MICALL1: variants seen among roughly 807,000 people sequenced by gnomAD.
MICALL1 encodes MICAL-like protein 1.
MICALL1 carries 61 observed loss-of-function variants against 83.7 expected under a neutral mutation model. The ratio of observed to expected loss-of-function variants is 0.73; its 90% CI spans 0.59 to 0.90. The LOEUF is 0.90. Among genes scored for constraint, MICALL1 ranks in the 40% least tolerant of loss-of-function variants. The probability of loss-of-function intolerance (pLI) is 0.00; values close to 1 mark genes in which losing one functional copy is unlikely to be tolerated. For missense variants in MICALL1, 1,066 were observed against 1,152.0 expected (o/e 0.93, Z 1.08); for synonymous variants, 481 against 473.6 (o/e 1.02, Z -0.20).
In MICALL1 at chr22:37,924,793, G is replaced by A; in HGVS notation, c.1082+76G>A. On this transcript the variant is annotated intron_variant, in intron 7 of 15. Transcript: ENST00000215957. The surrounding 1 kb of genome is among the most constrained non-coding windows in gnomAD (Gnocchi z 5.2). The stretch of plus-strand genomic sequence containing the variant: ...AATCAGGGTACTCTGGGGCCGGGTA[G>A]GGAGAGAGGCTTCCTGTGGATGGGC... The A allele has an allele frequency of 2.0e-6, 3 of 1,481,578 alleles. No individual in the cohort carries two copies. The highest frequency in any genetic ancestry group is 1.9e-6 in the Non-Finnish European group (2 of 1,072,262). The allele number at this position is 1,481,578 out of a possible 1,614,324, so 91.8% of individuals were successfully genotyped here.
At chr22:37,918,995 C>T in intron 4 of MICALL1, 41 bp from the exon 5 acceptor site, 1 of 1,516,366 alleles carries the variant, frequency 6.6e-7, no homozygotes, top group Non-Finnish European at 8.9e-7. Context: ...TGGCTGGTGA[C>T]CATGTCCTGC....
chr22:37,911,128 C>G (rs906541401), intron 1 of MICALL1, among the ~76,000 whole-genome samples: 5 of 152,206 alleles, frequency 3.3e-5, no homozygotes, highest in African/African-American at 1.2e-4. Context: ...GCCAGCTGTC[C>G]CGTGCTGGGG....
rs1026848135 is a variant in MICALL1 at position 37,924,553 on chromosome 22, A to C, written c.1025-107A>C. 12 of 1,090,560 alleles carry C rather than the reference A, an allele frequency of 1.1e-5. No homozygotes were observed. The Admixed American group carries it at 2.4e-4, about 22-fold the overall frequency. The allele number at this position is 1,090,560 out of a possible 1,614,324, so 67.6% of individuals were successfully genotyped here. A position where few individuals can be genotyped will look rare whatever the true frequency, so the allele number is the denominator to read the frequency against. On this transcript the variant is annotated intron_variant, in intron 6 of 15. Coordinates refer to ENST00000215957, the MANE Select transcript of MICALL1 (RefSeq NM_033386.4). The surrounding 1 kb of genome is among the most constrained non-coding windows in gnomAD (Gnocchi z 5.2). ...TGGCCTGGGGAGGTGCGAGGGTGCC[A>C]GGAGGAAGGCGGGGCGCTCCTGGGG...
chr22:37,942,672 T>A lies in MICALL1; in HGVS notation c.*1842T>A, dbSNP rs1434490176. 1 of 152,140 alleles carries A rather than the reference T, an allele frequency of 6.6e-6. No individual in the cohort carries two copies. The highest frequency in any genetic ancestry group is 1.5e-5 in the Non-Finnish European group (1 of 68,054). The allele number at this position is 152,140 out of a possible 1,614,324, so 9.4% of individuals were successfully genotyped here. On this transcript the variant is annotated 3_prime_UTR_variant, in exon 16 of 16. Coordinates refer to ENST00000215957, the MANE Select transcript of MICALL1 (RefSeq NM_033386.4). ...GCATGCTACGACGCCTGGCTAATTT[T>A]TTGTATTTTTAGTAGAGACGGGGTT...
At position 37,926,018 on chromosome 22, in the gene MICALL1, G is replaced by A. The variant is rs557005557; in HGVS notation, c.1440G>A (p.Pro480=). 36 of 1,608,696 alleles carry A rather than the reference G, an allele frequency of 2.2e-5. No homozygotes were observed. The highest frequency in any genetic ancestry group is 8.9e-5 in the East Asian group (4 of 44,752). ...SSPKTKKRPA[P]RAPSASPLAL... is the part of the protein sequence containing the mutation. ...CCAAGACAAAGAAGCGCCCTGCCCC[G>A]CGCGCACCCAGCGCGTCCCCACTGG... Residue 480 remains proline, a synonymous_variant, in exon 8 of 16, where the codon CCG becomes CCA. Transcript: ENST00000215957.
In MICALL1 at chr22:37,922,363, C is replaced by A; in HGVS notation, c.961C>A (p.Pro321Thr). 6.5e-7 allele frequency: 1 copy of A among 1,533,390 alleles called. No individual in the cohort carries two copies. Among genetic ancestry groups the A allele is most frequent in the Non-Finnish European group, 8.8e-7 (1 of 1,142,534 alleles). The allele number at this position is 1,533,390 out of a possible 1,614,324, so 95.0% of individuals were successfully genotyped here. The change falls in exon 6 of 16, where the codon CCC (proline) becomes ACC (threonine). Residue 321 changes from proline (P) to threonine (T), a missense_variant. Transcript: ENST00000215957. Reference protein sequence around the residue: ...STTPAPPTPRPRSSLQQENLV... With the variant: ...STTPAPPTPRTRSSLQQENLV... Reference sequence around the variant, plus strand: ...CACCCCAGCACCCCCCACGCCCCGGCCCCGCTCCAGTCTGCAGCAGGAGAA... The same window carrying A: ...CACCCCAGCACCCCCCACGCCCCGGACCCGCTCCAGTCTGCAGCAGGAGAA...
intron 15 of MICALL1, 71 bp downstream of exon 15, chr22:37,937,863 G>C: frequency 6.3e-7 from 1 of 1,596,454 alleles, no homozygotes; most frequent in Non-Finnish European, 8.6e-7. Context: ...GGGAGGGACT[G>C]GTTGAAGGGA....
chr22:37,906,876 A>C lies in MICALL1; in HGVS notation c.146+308A>C. On this transcript the variant is annotated intron_variant, in intron 1 of 15. Transcript: ENST00000215957. This position sits in a 1 kb window ranked among gnomAD's most constrained non-coding sequence, Gnocchi z 4.4. ...TCCGCCGAGGATCGCTGAACCCCTA[A>C]GCCCTTGACCTCTTTGAAGGGGTGT... is the stretch of plus-strand genomic sequence containing the variant. 6.2e-6 allele frequency: 1 copy of C among 161,466 alleles called. No homozygotes were observed. Among genetic ancestry groups the C allele is most frequent in the Non-Finnish European group, 1.3e-5 (1 of 74,258 alleles). 10.0% of individuals were successfully genotyped at this position (161,466 alleles called of 1,614,324 possible).
chr22:37,920,688 G>T (rs112434723), intron 5 of MICALL1, among the ~76,000 whole-genome samples: 4 of 151,868 alleles, frequency 2.6e-5, no homozygotes, highest in African/African-American at 9.7e-5. Flanking sequence ...TTGGGAGGCC[G>T]AGGCGGGTGG....
Position 37,932,616 on chromosome 22 carries a change from C to T in MICALL1, c.2080C>T (p.Arg694Trp), listed in dbSNP as rs548651390. The T allele has an allele frequency of 2.9e-5, 47 of 1,614,124 alleles. No homozygotes were observed. The highest frequency in any genetic ancestry group is 8.9e-5 in the East Asian group (4 of 44,870). ...TGGAGAGATGGATACCATTGAGCGC[C>T]GGCTGGATGCCCTGGAGCACCGTGG... is the stretch of plus-strand genomic sequence containing the variant. ...IHGEMDTIER[R>W]LDALEHRGVL... is the part of the protein sequence containing the mutation. Residue 694 changes from arginine (R) to tryptophan (W), a missense_variant, in exon 11 of 16, where the codon CGG becomes TGG. By Grantham distance (101) the Arg-to-Trp change is moderately radical (BLOSUM62 -3). Coordinates refer to ENST00000215957, the MANE Select transcript of MICALL1 (RefSeq NM_033386.4). The surrounding 1 kb of genome is among the most constrained non-coding windows in gnomAD (Gnocchi z 4.4).
At chr22:37,936,628 C>A (rs965666174) in intron 13 of MICALL1, among the ~76,000 whole-genome samples, 1 of 152,204 alleles carries the variant, frequency 6.6e-6, no homozygotes, top group Admixed American at 6.5e-5. Context: ...CGCGGTGGCT[C>A]ACGCCTGTAA....
chr22:37,927,487 G>A lies in MICALL1; in HGVS notation c.1542G>A (p.Leu514=). The change falls in exon 9 of 16, where the codon CTG becomes CTA. Residue 514 remains leucine, a synonymous_variant. Coordinates refer to ENST00000215957, the MANE Select transcript of MICALL1 (RefSeq NM_033386.4). ...TPSPALSVES[L]SSESASQTAG... The stretch of plus-strand genomic sequence containing the variant: ...CGCCAGCGCTCAGCGTGGAGAGCCT[G>A]TCGTCTGAGAGCGCCAGCCAGACTG... 6.2e-7 allele frequency: 1 copy of A among 1,612,024 alleles called. No homozygotes were observed. The highest frequency in any genetic ancestry group is 8.5e-7 in the Non-Finnish European group (1 of 1,178,500).
chr22:37,908,161 C>T (rs1928086039), intron 1 of MICALL1, among the ~76,000 whole-genome samples: 1 of 152,182 alleles, frequency 6.6e-6, no homozygotes, highest in Admixed American at 6.5e-5. Context: ...CATGGGCTCT[C>T]TCCAGGCATC....
intron 9 of MICALL1, 123 bp downstream of exon 9, chr22:37,927,949 C>G: frequency 9.0e-7 from 1 of 1,110,570 alleles, no homozygotes; most frequent in Non-Finnish European, 1.2e-6. Flanking sequence ...TCTCTGTCAC[C>G]CAGGCTGGAG....
chr22:37,917,373 C>G (rs1968221384), intron 3 of MICALL1, among the ~76,000 whole-genome samples: 1 of 152,198 alleles, frequency 6.6e-6, no homozygotes, highest in Admixed American at 6.5e-5. Context: ...CCTCCTCTAC[C>G]CTGGTGGCAG....
chr22:37,912,126 CT>C, intron 2 of MICALL1, 126 bp downstream of exon 2: 1 of 1,219,776 alleles, frequency 8.2e-7, no homozygotes, highest in Non-Finnish European at 1.2e-6. Flanking sequence ...CTGGCTGCAC[CT>C]TTCCCCACCC....
In MICALL1 at chr22:37,941,015, T is replaced by A; in HGVS notation, c.*185T>A. The A allele has an allele frequency of 1.5e-6, 1 of 672,660 alleles. No homozygotes were observed. The highest frequency in any genetic ancestry group is 2.0e-5 in the South Asian group (1 of 49,702). 41.7% of individuals were successfully genotyped at this position (672,660 alleles called of 1,614,324 possible). On this transcript the variant is annotated 3_prime_UTR_variant, in exon 16 of 16. Transcript: ENST00000215957. ...GACTGCTCTGGGCCAAAGAATCTCT[T>A]GTTTCTTCTCCGAGCCCCAGGCAGC...
intron 1 of MICALL1, among the ~76,000 whole-genome samples, chr22:37,908,501 T>C (rs1331635874): frequency 2.0e-5 from 3 of 152,098 alleles, no homozygotes; most frequent in Non-Finnish European, 4.4e-5. Flanking sequence ...GTTTTCACCA[T>C]GTTGCCCAGG....
chr22:37,926,384 G>A (rs940423024), intron 8 of MICALL1, among the ~76,000 whole-genome samples: 2 of 152,174 alleles, frequency 1.3e-5, no homozygotes, highest in African/African-American at 4.8e-5. Context: ...GCTCAGTGCA[G>A]CGAGGGGCTC....
Sources: gnomAD v4.1 joint callset for allele counts (sites outside exome capture counted in the v4.1 genomes callset) on GRCh38, gnomAD v4.1.1 for gene constraint, Gnocchi (gnomAD v3.1) non-coding constraint, MANE v1.5 for transcripts, NCBI Gene and HGNC (gene_info 2026-07-23, HGNC 2026-07-21) for gene names.